Variants in PDE3B observed in about 807,000 individuals in gnomAD.
The protein encoded by PDE3B is cGMP-inhibited 3',5'-cyclic phosphodiesterase 3B.
Under a neutral mutation model 116.8 loss-of-function variants are expected in PDE3B, and 66 were observed. That is an observed-to-expected ratio of 0.56 (90% CI 0.46 to 0.69). The LOEUF (loss-of-function observed/expected upper bound fraction) is 0.69, where lower values mean the gene tolerates loss of function less well. Among genes scored for constraint, PDE3B ranks in the 30% least tolerant of loss-of-function variants. The probability of loss-of-function intolerance (pLI) is 0.00; values close to 1 mark genes in which losing one functional copy is unlikely to be tolerated. For missense variants in PDE3B, 1,384 were observed against 1,368.1 expected, an observed-to-expected ratio of 1.01 and a Z score of -0.18; for synonymous variants, 595 against 533.6, an observed-to-expected ratio of 1.12 and a Z score of -1.59.
intron 2 of PDE3B, among the ~76,000 whole-genome samples, chr11:14,781,862 A>G (rs991053778): frequency 6.6e-6 from 1 of 152,206 alleles, no homozygotes; most frequent in African/African-American, 2.4e-5. Flanking sequence ...GGAAAAGAGG[A>G]AGTCAAATTG....
chr11:14,892,155 C>G, the PDE3B span: 1 of 1,610,812 alleles, frequency 6.2e-7, no homozygotes, highest in Non-Finnish European at 8.5e-7. Context: ...GCAGGAAGAG[C>G]GCGCCGCCGA....
chr11:14,655,220 A>C (rs1048930354), intron 1 of PDE3B, among the ~76,000 whole-genome samples: 2 of 152,194 alleles, frequency 1.3e-5, no homozygotes, highest in African/African-American at 4.8e-5. Context: ...CTGGGAAAAC[A>C]CTTTGCTAGA....
At chr11:14,773,428 A>G (rs997844575) in intron 2 of PDE3B, 1 of 152,104 alleles carries the variant, frequency 6.6e-6, no homozygotes, top group African/African-American at 2.4e-5. Context: ...CTTACTTTTC[A>G]TAATGTTCTT....
chr11:14,884,782 A>T, the PDE3B span, among the ~76,000 whole-genome samples: 3 of 152,142 alleles, frequency 2.0e-5, no homozygotes, highest in Non-Finnish European at 4.4e-5. Flanking sequence ...TGATAAAAAC[A>T]GTCTAAACAA....
intron 2 of PDE3B, among the ~76,000 whole-genome samples, chr11:14,779,622 A>G (rs573881365): frequency 3.4e-4 from 52 of 152,312 alleles, no homozygotes; most frequent in Non-Finnish European, 5.7e-4. Context: ...AAATGCTGAG[A>G]GATTTTGTCA....
chr11:14,801,132 C>T (rs1412997943), intron 4 of PDE3B, among the ~76,000 whole-genome samples: 1 of 152,062 alleles, frequency 6.6e-6, no homozygotes, highest in Admixed American at 6.6e-5. Context: ...TGTTGTTACC[C>T]ACCTTCTGAA....
chr11:14,880,409 G>GT, the PDE3B span: 3 of 1,613,384 alleles, frequency 1.9e-6, no homozygotes, highest in Non-Finnish European at 2.5e-6. Flanking sequence ...AGCTGTTGAT[G>GT]TTTTCCAAAA....
intron 12 of PDE3B, among the ~76,000 whole-genome samples, chr11:14,853,654 A>G (rs1311243318): frequency 6.6e-6 from 1 of 152,262 alleles, no homozygotes; most frequent in Non-Finnish European, 1.5e-5. Flanking sequence ...ACAGTAGCAT[A>G]TAATACCACC....
chr11:14,801,776 G>T (rs1287499158), intron 4 of PDE3B, among the ~76,000 whole-genome samples: 2 of 152,244 alleles, frequency 1.3e-5, no homozygotes, highest in Non-Finnish European at 2.9e-5. Context: ...GGAGATTGGG[G>T]TTTTATCTGT....
At chr11:14,690,350 G>A (rs1489123226) in intron 1 of PDE3B, among the ~76,000 whole-genome samples, 1 of 152,076 alleles carries the variant, frequency 6.6e-6, no homozygotes, top group East Asian at 1.9e-4. Flanking sequence ...AGACTATTTT[G>A]TAAAATATAA....
chr11:14,665,785 A>T (rs1854119356), intron 1 of PDE3B, among the ~76,000 whole-genome samples: 1 of 152,208 alleles, frequency 6.6e-6, no homozygotes, highest in Non-Finnish European at 1.5e-5. Flanking sequence ...ATAAAAGAGG[A>T]TACAAATAAA....
At chr11:14,820,813 G>T (rs1859495410) in intron 7 of PDE3B, among the ~76,000 whole-genome samples, 1 of 152,144 alleles carries the variant, frequency 6.6e-6, no homozygotes, top group Non-Finnish European at 1.5e-5. Flanking sequence ...AACTTGGCCA[G>T]GCTGGCACCC....
At chr11:14,704,178 G>C (rs569139640) in intron 1 of PDE3B, among the ~76,000 whole-genome samples, 1 of 151,742 alleles carries the variant, frequency 6.6e-6, no homozygotes, top group South Asian at 2.1e-4. Context: ...TATAGTCTCA[G>C]ATATCTTTAA....
the PDE3B span, chr11:14,880,163 A>G: frequency 6.2e-7 from 1 of 1,612,786 alleles, no homozygotes; most frequent in South Asian, 1.1e-5. Flanking sequence ...AGGGCCATGA[A>G]AAGAATCGCC....
the PDE3B span, chr11:14,891,379 A>G: frequency 1.0e-6 from 1 of 985,196 alleles, no homozygotes; most frequent in Non-Finnish European, 1.2e-6. Context: ...GCGCTGTAGG[A>G]CCCCCGCAGC....
intron 1 of PDE3B, among the ~76,000 whole-genome samples, chr11:14,741,478 G>C (rs910441745): frequency 6.6e-6 from 1 of 151,936 alleles, no homozygotes; most frequent in Non-Finnish European, 1.5e-5. Context: ...TTGAGCCTAT[G>C]TGTTTTTGCA....
At chr11:14,695,122 A>G (rs1021306059) in intron 1 of PDE3B, among the ~76,000 whole-genome samples, 19 of 152,126 alleles carry the variant, frequency 1.2e-4, no homozygotes, top group African/African-American at 2.4e-4. Context: ...TCGTTTTTCA[A>G]TTTCATATTT....
At chr11:14,867,815 C>A in intron 15 of PDE3B, 57 bp downstream of exon 15, 2 of 1,442,032 alleles carry the variant, frequency 1.4e-6, no homozygotes, top group Non-Finnish European at 1.9e-6. Flanking sequence ...TATTCCAAGT[C>A]TGAAAATCTG....
chr11:14,727,339 A>G (rs575482327), intron 1 of PDE3B, among the ~76,000 whole-genome samples: 4 of 152,238 alleles, frequency 2.6e-5, no homozygotes, highest in Admixed American at 2.6e-4. Flanking sequence ...CAAAACAACC[A>G]TGGGAGGCAG....
Sources: gnomAD v4.1 joint callset for allele counts (sites outside exome capture counted in the v4.1 genomes callset) on GRCh38, gnomAD v4.1.1 for gene constraint, MANE v1.5 for transcripts, NCBI Gene and HGNC (gene_info 2026-07-23, HGNC 2026-07-21) for gene names.